The following LCA5L variants were observed in gnomAD, a reference collection of about 807,000 sequenced individuals.
The protein encoded by LCA5L is lebercilin-like protein.
Under a neutral mutation model 45.4 loss-of-function variants are expected in LCA5L, and 35 were observed. The ratio of observed to expected loss-of-function variants is 0.77; its 90% CI spans 0.59 to 1.02. The LOEUF is 1.02. LCA5L is among the 50% of genes least tolerant of loss of function. The pLI, the probability that LCA5L is intolerant of heterozygous loss-of-function variation, is 0.00. For missense variants in LCA5L, 668 were observed against 761.6 expected (o/e 0.88, Z 1.45); for synonymous variants, 233 against 264.7 (o/e 0.88, Z 1.16).
At position 39,406,178 on chromosome 21, in the gene LCA5L, C is replaced by T; in HGVS notation, c.1717G>A (p.Gly573Arg). 1 of 1,614,214 alleles carries T rather than the reference C, an allele frequency of 6.2e-7. No individual in the cohort carries two copies. The highest frequency in any genetic ancestry group is 8.5e-7 in the Non-Finnish European group (1 of 1,180,034). ...GACTTACCAAATGAGGGCTCATACC[C>T]ACTGTCAGAATGCTCTAGCTCCATT... is the stretch of plus-strand genomic sequence containing the variant. ...EEMELEHSDS[G>R]YEPSFGKSSR... The change falls in exon 11 of 11, where the codon GGG becomes AGG. Residue 573 changes from glycine (G) to arginine (R), a missense_variant. Gly to Arg is a moderately radical substitution (Grantham distance 125, BLOSUM62 -2). Transcript: ENST00000288350.
intron 7 of LCA5L, among the ~76,000 whole-genome samples, chr21:39,415,934 C>G (rs2041065513): frequency 6.6e-6 from 1 of 152,052 alleles, no homozygotes; most frequent in Non-Finnish European, 1.5e-5. Context: ...AGGTTCGGTT[C>G]GTTGGCATGA....
intron 7 of LCA5L, among the ~76,000 whole-genome samples, chr21:39,419,684 A>T (rs73365952): frequency 0.23 from 35,599 of 151,972 alleles, 4,758 homozygotes; most frequent in African/African-American, 0.37. Flanking sequence ...GAATGGGATT[A>T]GTGCCCTTGT....
At chr21:39,435,157 C>T (rs1259670935) in intron 3 of LCA5L, among the ~76,000 whole-genome samples, 2 of 152,150 alleles carry the variant, frequency 1.3e-5, no homozygotes, top group East Asian at 3.8e-4. Context: ...ATTATAAACA[C>T]TATTCTAATG....
intron 2 of LCA5L, among the ~76,000 whole-genome samples, chr21:39,439,161 A>C (rs1277187818): frequency 6.6e-6 from 1 of 152,218 alleles, no homozygotes; most frequent in Non-Finnish European, 1.5e-5. Context: ...CTGTGATCAC[A>C]GAAGCAGAGT....
At chr21:39,407,018 A>G (rs1025997691) in intron 10 of LCA5L, among the ~76,000 whole-genome samples, 12 of 152,200 alleles carry the variant, frequency 7.9e-5, no homozygotes, top group Admixed American at 2.6e-4. Flanking sequence ...TTTGAGCCCA[A>G]GAGTCTGAGA....
At chr21:39,432,670 C>T (rs534489826) in intron 3 of LCA5L, among the ~76,000 whole-genome samples, 4 of 152,190 alleles carry the variant, frequency 2.6e-5, no homozygotes, top group Non-Finnish European at 5.9e-5. Flanking sequence ...CTCATCCTTC[C>T]CTGCGCCTCA....
In LCA5L at chr21:39,428,481, C is replaced by T; in HGVS notation, c.13G>A (p.Asp5Asn). The T allele has an allele frequency of 6.3e-7, 1 of 1,574,968 alleles. No individual in the cohort carries two copies. The highest frequency in any genetic ancestry group is 8.6e-7 in the Non-Finnish European group (1 of 1,162,802). Residue 5 changes from aspartate to asparagine, a missense_variant, in exon 5 of 11, where the codon GAT (aspartate) becomes AAT (asparagine). Asp to Asn is a conservative substitution (Grantham distance 23). Transcript: ENST00000288350. MSLADLTKTNIDEHF... is the reference protein window; with the variant it reads MSLANLTKTNIDEHF... ...TCATCTATATTTGTTTTTGTTAGATCAGCCAAAGACATAGCAAACAACCTA... is the reference window on the plus strand; with the variant it reads ...TCATCTATATTTGTTTTTGTTAGATTAGCCAAAGACATAGCAAACAACCTA...
Position 39,423,017 on chromosome 21 carries a change from T to TA in LCA5L, c.795dup (p.Ile266TyrfsTer10). 6.2e-7 allele frequency: 1 copy of TA among 1,614,098 alleles called. No individual in the cohort carries two copies. The highest frequency in any genetic ancestry group is 8.5e-7 in the Non-Finnish European group (1 of 1,179,980). On this transcript the variant is annotated frameshift_variant, in exon 6 of 11. Transcript: ENST00000288350. LOFTEE classifies it high-confidence loss of function. ...TTTGCGTCCATTTTTGTTGTGATAATAGATAATTTATGAGTGAGTTCTTCC... is the reference window on the plus strand; with the variant it reads ...TTTGCGTCCATTTTTGTTGTGATAATAAGATAATTTATGAGTGAGTTCTTCC...
At chr21:39,414,529 T>G (rs988792553) in intron 7 of LCA5L, among the ~76,000 whole-genome samples, 1 of 152,142 alleles carries the variant, frequency 6.6e-6, no homozygotes, top group African/African-American at 2.4e-5. Flanking sequence ...TTTCCTAGAA[T>G]TCCCACGACA....
intron 5 of LCA5L, 94 bp downstream of exon 5, chr21:39,428,078 T>C: frequency 4.2e-6 from 3 of 721,426 alleles, no homozygotes; most frequent in Non-Finnish European, 7.2e-6. Flanking sequence ...GGGAAAACAA[T>C]AAAACTGAGT....
chr21:39,441,707 G>T (rs939809448), intron 2 of LCA5L, among the ~76,000 whole-genome samples: 3 of 152,192 alleles, frequency 2.0e-5, no homozygotes, highest in African/African-American at 7.2e-5. Context: ...CCAAGTGGTG[G>T]CAAGTGCAAT....
intron 7 of LCA5L, among the ~76,000 whole-genome samples, chr21:39,412,657 G>T (rs2040310561): frequency 6.6e-6 from 1 of 152,144 alleles, no homozygotes; most frequent in African/African-American, 2.4e-5. Flanking sequence ...TTGTCTCCTT[G>T]TGCCCCTTAG....
chr21:39,410,809 A>G, intron 8 of LCA5L: 1 of 470,402 alleles, frequency 2.1e-6, no homozygotes, highest in Non-Finnish European at 4.4e-6. Context: ...CATTTAAACA[A>G]CCCCTCGGTT....
chr21:39,445,058 A>T (rs1054364053), intron 1 of LCA5L, among the ~76,000 whole-genome samples: 3 of 150,032 alleles, frequency 2.0e-5, no homozygotes, highest in African/African-American at 7.4e-5. Context: ...CTAGGGATTG[A>T]GTGTAGACAG....
chr21:39,420,586 T>C, intron 7 of LCA5L, 120 bp downstream of exon 7: 1 of 640,724 alleles, frequency 1.6e-6, no homozygotes, highest in Non-Finnish European at 2.4e-6. Flanking sequence ...CTACAAAGGG[T>C]AGAGGAGCCT....
At chr21:39,408,530 A>C (rs1284203452) in intron 10 of LCA5L, 17 of 152,352 alleles carry the variant, frequency 1.1e-4, no homozygotes, top group Non-Finnish European at 2.9e-5. Context: ...CAGGTCCCAA[A>C]CACCAGGTGA....
At chr21:39,434,082 A>C (rs1171668189) in intron 3 of LCA5L, among the ~76,000 whole-genome samples, 1 of 152,160 alleles carries the variant, frequency 6.6e-6, no homozygotes, top group Non-Finnish European at 1.5e-5. Flanking sequence ...AGGACTCCAG[A>C]ACCATCCTAA....
rs2039028054 is a variant in LCA5L at position 39,406,028 on chromosome 21, C to G, written c.1867G>C (p.Glu623Gln). The change falls in exon 11 of 11, where the codon GAG (glutamate) becomes CAG (glutamine). Residue 623 changes from glutamate to glutamine, a missense_variant. Physicochemically the swap from Glu to Gln is conservative, Grantham distance 29 (BLOSUM62 2). Transcript: ENST00000288350. ...QSSPGVAKGS[E>Q]EPLQSKESHP... Reference sequence around the variant, plus strand: ...GACTCCTTACTTTGCAAAGGCTCCTCTGAGCCTTTTGCAACACCAGGACTT... The same window carrying G: ...GACTCCTTACTTTGCAAAGGCTCCTGTGAGCCTTTTGCAACACCAGGACTT... 1.2e-6 allele frequency: 2 copies of G among 1,614,224 alleles called. No individual in the cohort carries two copies. The highest frequency in any genetic ancestry group is 1.7e-6 in the Non-Finnish European group (2 of 1,180,026).
chr21:39,437,777 A>G (rs1018333117), intron 2 of LCA5L, among the ~76,000 whole-genome samples: 3 of 152,178 alleles, frequency 2.0e-5, no homozygotes, highest in African/African-American at 7.2e-5. Flanking sequence ...AAATAAAACG[A>G]CTTAGAAAAT....
Sources: gnomAD v4.1 joint callset for allele counts (sites outside exome capture counted in the v4.1 genomes callset) on GRCh38, gnomAD v4.1.1 for gene constraint, MANE v1.5 for transcripts, NCBI Gene and HGNC (gene_info 2026-07-23, HGNC 2026-07-21) for gene names.